Variants in ARHGEF28 observed in about 807,000 individuals in gnomAD.
The protein encoded by ARHGEF28 is 190 kDa guanine nucleotide exchange factor.
A neutral mutation model predicts 206.6 loss-of-function variants in ARHGEF28; 152 were observed. The observed-to-expected ratio is 0.74, with a 90% CI of 0.64 to 0.84. The LOEUF (loss-of-function observed/expected upper bound fraction) is 0.84. Among genes scored for constraint, ARHGEF28 ranks in the 40% least tolerant of loss-of-function variants. ARHGEF28 has a pLI of 0.00. For missense variants in ARHGEF28, 2,028 were observed against 2,073.2 expected, an observed-to-expected ratio of 0.98 and a Z score of 0.42; for synonymous variants, 763 against 776.4, an observed-to-expected ratio of 0.98 and a Z score of 0.29.
chr5:73,931,546 G>A (rs554728469), intron 35 of ARHGEF28, among the ~76,000 whole-genome samples: 2 of 151,318 alleles, frequency 1.3e-5, no homozygotes, highest in East Asian at 3.9e-4. Flanking sequence ...TCACATTTTT[G>A]TTCTATTTTC....
At chr5:73,686,532 T>C (rs573260039) in intron 2 of ARHGEF28, among the ~76,000 whole-genome samples, 15 of 151,640 alleles carry the variant, frequency 9.9e-5, no homozygotes, top group African/African-American at 3.6e-4. Context: ...TTTTTTTTTT[T>C]TTTCGAGACG....
intron 23 of ARHGEF28, 119 bp downstream of exon 23, chr5:73,882,713 A>G (rs947915234): frequency 3.1e-6 from 3 of 983,526 alleles, no homozygotes; most frequent in Non-Finnish European, 4.3e-6. Flanking sequence ...GGGAAGAAGA[A>G]GGGAGGTGGA....
chr5:73,793,699 G>T (rs570892986), intron 7 of ARHGEF28, among the ~76,000 whole-genome samples: 1 of 152,224 alleles, frequency 6.6e-6, no homozygotes, highest in African/African-American at 2.4e-5. Context: ...GTTCTTGGTG[G>T]TTATTTCGAC....
intron 2 of ARHGEF28, among the ~76,000 whole-genome samples, chr5:73,720,856 A>G (rs1343826421): frequency 6.6e-6 from 1 of 152,192 alleles, no homozygotes; most frequent in African/African-American, 2.4e-5. Flanking sequence ...TCAAAGAAAC[A>G]TATACTTAGT....
chr5:73,770,452 A>G, intron 4 of ARHGEF28, among the ~76,000 whole-genome samples: 1 of 152,352 alleles, frequency 6.6e-6, no homozygotes, highest in African/African-American at 2.4e-5. Flanking sequence ...GTTTGCCATT[A>G]CAGCAATTAT....
intron 4 of ARHGEF28, among the ~76,000 whole-genome samples, chr5:73,756,798 T>C (rs1014866952): frequency 3.3e-5 from 5 of 152,246 alleles, no homozygotes; most frequent in Admixed American, 2.0e-4. Context: ...TTTAATTTTG[T>C]ACTTTAGAAA....
chr5:73,737,190 C>A (rs1011553118), intron 2 of ARHGEF28, among the ~76,000 whole-genome samples: 1 of 152,234 alleles, frequency 6.6e-6, no homozygotes, highest in Admixed American at 6.5e-5. Context: ...AGTTTAAATT[C>A]TTTTCTGCCT....
chr5:73,924,420 A>T (rs1284282039), intron 35 of ARHGEF28, among the ~76,000 whole-genome samples: 1 of 152,174 alleles, frequency 6.6e-6, no homozygotes, highest in Non-Finnish European at 1.5e-5. Context: ...GATAGTATCT[A>T]CTTTGGAGGT....
chr5:73,923,506 GC>G (rs35065256), intron 35 of ARHGEF28, among the ~76,000 whole-genome samples: 43,790 of 151,986 alleles, frequency 0.29, 8,366 homozygotes, highest in African/African-American at 0.53. Context: ...AAATGCTGCT[GC>G]CCAGTAAATT....
Position 73,920,187 on chromosome 5 carries a change from C to G in ARHGEF28, c.4948+8612C>G, listed in dbSNP as rs76249877. Among the ~76,000 whole-genome samples, 501 of 152,258 alleles carry G rather than the reference C, an allele frequency of 3.3e-3. 3 individuals are homozygous for G. Among genetic ancestry groups the G allele is most frequent in the African/African-American group, 0.011 (465 of 41,534 alleles). Reference sequence around the variant, plus strand: ...AGGCAGGATAGATGAGTGTCTCCGGCTAGCTAACTGGATCAAGTGTTTGTT... The same window carrying G: ...AGGCAGGATAGATGAGTGTCTCCGGGTAGCTAACTGGATCAAGTGTTTGTT... On this transcript the variant is annotated intron_variant, in intron 35 of 35. Transcript: ENST00000513042.
chr5:73,940,986 A>G lies in ARHGEF28; in HGVS notation c.5091A>G (p.Gly1697=). Residue 1697 remains glycine (G), a synonymous_variant, in exon 36 of 36, where the codon GGA becomes GGG. Coordinates refer to ENST00000513042, the MANE Select transcript of ARHGEF28 (RefSeq NM_001177693.2). The part of the protein sequence containing the change: ...MTRQDGETGD[G]AKENIVYL ...GACAAGATGGGGAAACTGGAGATGG[A>G]GCCAAAGAAAATATTGTTTACCTCT... 6.6e-7 allele frequency: 1 copy of G among 1,522,196 alleles called. No homozygotes were observed. The highest frequency in any genetic ancestry group is 8.7e-7 in the Non-Finnish European group (1 of 1,143,228). The allele number at this position is 1,522,196 out of a possible 1,614,324, so 94.3% of individuals were successfully genotyped here. A position where few individuals can be genotyped will look rare whatever the true frequency, so the allele number is the denominator to read the frequency against.
intron 7 of ARHGEF28, among the ~76,000 whole-genome samples, chr5:73,781,214 A>G (rs1725328600): frequency 6.6e-6 from 1 of 152,230 alleles, no homozygotes; most frequent in African/African-American, 2.4e-5. Flanking sequence ...TTGAGGCATC[A>G]GGGCTGCTGG....
At chr5:73,632,545 T>C (rs1034080487) in intron 1 of ARHGEF28, among the ~76,000 whole-genome samples, 1 of 152,196 alleles carries the variant, frequency 6.6e-6, no homozygotes, top group African/African-American at 2.4e-5. Flanking sequence ...TTATCCTAAG[T>C]TTGTCACAGT....
chr5:73,913,393 C>T lies in ARHGEF28; in HGVS notation c.4948+1818C>T, dbSNP rs78921175. On this transcript the variant is annotated intron_variant, in intron 35 of 35. Transcript: ENST00000513042. ...ATTTCTACAGGGGAGAAAAGAAAGTCAGAGAATAGGCGGTGATAAGAAAGT... is the reference window on the plus strand; with the variant it reads ...ATTTCTACAGGGGAGAAAAGAAAGTTAGAGAATAGGCGGTGATAAGAAAGT... Among the ~76,000 whole-genome samples, 1,016 of 152,258 alleles carry T rather than the reference C, an allele frequency of 6.7e-3. 7 individuals are homozygous for T. The highest frequency in any genetic ancestry group is 0.023 in the African/African-American group (962 of 41,534).
intron 2 of ARHGEF28, among the ~76,000 whole-genome samples, chr5:73,731,331 A>G (rs987409638): frequency 1.3e-5 from 2 of 152,168 alleles, no homozygotes; most frequent in African/African-American, 4.8e-5. Context: ...TAACTTAAGG[A>G]TTTCTTCAGT....
intron 35 of ARHGEF28, among the ~76,000 whole-genome samples, chr5:73,925,621 C>G (rs938243880): frequency 6.6e-6 from 1 of 152,216 alleles, no homozygotes; most frequent in Non-Finnish European, 1.5e-5. Context: ...CCTTTCCAGT[C>G]AACCCCTCCC....
chr5:73,765,979 C>T (rs958001634), intron 4 of ARHGEF28, among the ~76,000 whole-genome samples: 1 of 152,074 alleles, frequency 6.6e-6, no homozygotes, highest in South Asian at 2.1e-4. Context: ...GGTGAAACCC[C>T]GTCTCTACTA....
At chr5:73,881,269 C>A (rs1185898985) in intron 22 of ARHGEF28, among the ~76,000 whole-genome samples, 1 of 151,978 alleles carries the variant, frequency 6.6e-6, no homozygotes, top group Non-Finnish European at 1.5e-5. Flanking sequence ...ATTGTTCTAG[C>A]TGTTCTAGTT....
chr5:73,874,165 T>C (rs1279736401), intron 22 of ARHGEF28, among the ~76,000 whole-genome samples: 1 of 152,202 alleles, frequency 6.6e-6, no homozygotes, highest in Non-Finnish European at 1.5e-5. Context: ...GCCATCTATA[T>C]ATCCCTTTCA....
Sources: gnomAD v4.1 joint callset for allele counts (sites outside exome capture counted in the v4.1 genomes callset) on GRCh38, gnomAD v4.1.1 for gene constraint, MANE v1.5 for transcripts, NCBI Gene and HGNC (gene_info 2026-07-23, HGNC 2026-07-21) for gene names.